ME1: variants seen among roughly 807,000 people sequenced by gnomAD.
ME1 encodes NADP-dependent malic enzyme.
ME1 carries 74 observed loss-of-function variants against 66.4 expected under a neutral mutation model. That is an observed-to-expected ratio of 1.11 (90% CI 0.92 to 1.35). The LOEUF is 1.35. Ranked by LOEUF, ME1 falls within the 40% of genes most tolerant of loss-of-function variation. The pLI is 0.00. For synonymous variants in ME1, 251 were observed against 235.6 expected (o/e 1.07, Z -0.60); for missense variants, 750 against 694.1 (o/e 1.08, Z -0.90).
chr6:83,371,570 G>A (rs1425735791), intron 3 of ME1, among the ~76,000 whole-genome samples: 3 of 152,108 alleles, frequency 2.0e-5, no homozygotes, highest in South Asian at 4.1e-4. Flanking sequence ...AAAAATATAA[G>A]CCATACAGAC....
At chr6:83,229,576 T>C (rs1455297374) in intron 9 of ME1, among the ~76,000 whole-genome samples, 6 of 152,240 alleles carry the variant, frequency 3.9e-5, no homozygotes, top group Non-Finnish European at 8.8e-5. Context: ...ATATTTCATT[T>C]GATCCCCTCA....
chr6:83,266,718 A>G (rs1766996798), intron 6 of ME1, among the ~76,000 whole-genome samples: 1 of 152,160 alleles, frequency 6.6e-6, no homozygotes, highest in African/African-American at 2.4e-5. Flanking sequence ...AATTGCTTCC[A>G]TTGGCACCGG....
intron 6 of ME1, among the ~76,000 whole-genome samples, chr6:83,274,624 C>G (rs1486088313): frequency 1.3e-5 from 2 of 152,084 alleles, no homozygotes; most frequent in East Asian, 3.8e-4. Flanking sequence ...TACCACTAAG[C>G]ATCAACATAA....
At chr6:83,224,029 G>T in intron 11 of ME1, 96 bp from the exon 12 acceptor site, 1 of 1,101,528 alleles carries the variant, frequency 9.1e-7, no homozygotes. Context: ...TAAATTATAA[G>T]TACTTAGAAA....
intron 3 of ME1, among the ~76,000 whole-genome samples, chr6:83,384,087 G>A (rs1769457030): frequency 6.6e-6 from 1 of 151,786 alleles, no homozygotes. Flanking sequence ...GGGCATCTAG[G>A]TTGATTCCAT....
chr6:83,320,066 C>A (rs1222229194), intron 5 of ME1, among the ~76,000 whole-genome samples: 1 of 152,156 alleles, frequency 6.6e-6, no homozygotes, highest in African/African-American at 2.4e-5. Flanking sequence ...TGGTGATAAG[C>A]ATATTTTATA....
intron 5 of ME1, among the ~76,000 whole-genome samples, chr6:83,326,498 T>G (rs1172704541): frequency 6.6e-6 from 1 of 151,092 alleles, no homozygotes; most frequent in African/African-American, 2.4e-5. Context: ...CATCTGACAA[T>G]GGGCTAATAT....
intron 6 of ME1, among the ~76,000 whole-genome samples, chr6:83,280,806 G>T (rs1767274633): frequency 6.6e-6 from 1 of 152,156 alleles, no homozygotes; most frequent in Non-Finnish European, 1.5e-5. Flanking sequence ...AACTGTGTGG[G>T]TGAGTCTGAT....
chr6:83,237,280 G>GAAAGAAAGAAAGAGAAAGA (rs1562455285), intron 9 of ME1, among the ~76,000 whole-genome samples: 2 of 21,624 alleles, frequency 9.2e-5, no homozygotes, highest in East Asian at 1.0e-3. Flanking sequence ...AGAAAGAAAG[G>GAAAGAAAGAAAGAGAAAGA]AAGGAAGGAA....
chr6:83,260,582 C>CCT (rs1455051290), intron 6 of ME1, among the ~76,000 whole-genome samples: 1 of 152,086 alleles, frequency 6.6e-6, no homozygotes, highest in Non-Finnish European at 1.5e-5. Context: ...GATCCTCCAC[C>CCT]CTCTGGGGTG....
At chr6:83,279,226 T>C (rs943171692) in intron 6 of ME1, among the ~76,000 whole-genome samples, 1 of 152,164 alleles carries the variant, frequency 6.6e-6, no homozygotes, top group Non-Finnish European at 1.5e-5. Context: ...AAACCCAGCA[T>C]ATTAAAGGCA....
At chr6:83,382,430 T>C (rs951387029) in intron 3 of ME1, among the ~76,000 whole-genome samples, 16 of 152,056 alleles carry the variant, frequency 1.1e-4, no homozygotes, top group African/African-American at 2.4e-4. Flanking sequence ...TCCGGAAGAA[T>C]TGAATGGTCA....
intron 3 of ME1, among the ~76,000 whole-genome samples, chr6:83,380,932 T>C (rs1480102513): frequency 2.6e-5 from 4 of 151,904 alleles, no homozygotes; most frequent in African/African-American, 2.4e-5. Flanking sequence ...GCTGAACAGA[T>C]TAAGAAGGAA....
intron 6 of ME1, among the ~76,000 whole-genome samples, chr6:83,311,275 C>A (rs1767926868): frequency 6.6e-6 from 1 of 152,072 alleles, no homozygotes; most frequent in Non-Finnish European, 1.5e-5. Context: ...CAGGAGAATA[C>A]ATGTAGAATT....
intron 6 of ME1, among the ~76,000 whole-genome samples, chr6:83,287,979 T>C (rs1357984302): frequency 6.6e-6 from 1 of 152,222 alleles, no homozygotes; most frequent in Non-Finnish European, 1.5e-5. Context: ...TCCATATCCT[T>C]TGCCCATTTT....
intron 6 of ME1, among the ~76,000 whole-genome samples, chr6:83,268,860 G>A (rs984777945): frequency 6.6e-6 from 1 of 151,848 alleles, no homozygotes; most frequent in Admixed American, 6.6e-5. Context: ...CCAAAGTGCG[G>A]GGGTTATAGG....
At chr6:83,352,245 C>T (rs1197393617) in intron 3 of ME1, 106 bp from the exon 4 acceptor site, 1 of 589,076 alleles carries the variant, frequency 1.7e-6, no homozygotes, top group African/African-American at 2.0e-5. Flanking sequence ...TAATTTATCT[C>T]AATTTTTATC....
At chr6:83,333,195 G>A (rs1016585415) in intron 5 of ME1, among the ~76,000 whole-genome samples, 4 of 152,012 alleles carry the variant, frequency 2.6e-5, no homozygotes, top group African/African-American at 7.2e-5. Context: ...AGGTTATTCT[G>A]GATAAGAAAC....
chr6:83,266,615 T>C (rs755422130), intron 6 of ME1, among the ~76,000 whole-genome samples: 45 of 152,218 alleles, frequency 3.0e-4, no homozygotes, highest in Non-Finnish European at 5.6e-4. Flanking sequence ...GTTTTATAAA[T>C]AAGCTCGTTT....
Sources: gnomAD v4.1 joint callset for allele counts (sites outside exome capture counted in the v4.1 genomes callset) on GRCh38, gnomAD v4.1.1 for gene constraint, MANE v1.5 for transcripts, NCBI Gene and HGNC (gene_info 2026-07-23, HGNC 2026-07-21) for gene names.